The following GREM2 variants were observed in gnomAD, a reference collection of about 807,000 sequenced individuals.
The protein encoded by GREM2 is gremlin 2, DAN family BMP antagonist, also known as gremlin-2.
A neutral mutation model predicts 14.2 loss-of-function variants in GREM2; 11 were observed. That is an observed-to-expected ratio of 0.78 (90% CI 0.49 to 1.28). The LOEUF (loss-of-function observed/expected upper bound fraction) is 1.28. Among genes scored for constraint, GREM2 ranks in the 50% most tolerant of loss-of-function variants. GREM2 has a pLI of 0.00. For synonymous variants in GREM2, 98 were observed against 97.6 expected (o/e 1.00, Z -0.02); for missense variants, 210 against 218.5 (o/e 0.96, Z 0.24).
At chr1:240,544,307 C>T (rs551579551) in intron 1 of GREM2, among the ~76,000 whole-genome samples, 1 of 152,248 alleles carries the variant, frequency 6.6e-6, no homozygotes, top group East Asian at 1.9e-4. Flanking sequence ...GCCACCACGC[C>T]TGGCTAATTT....
intron 1 of GREM2, among the ~76,000 whole-genome samples, chr1:240,520,117 T>TAAAATA (rs1284549816): frequency 2.0e-5 from 3 of 151,966 alleles, no homozygotes; most frequent in African/African-American, 4.8e-5. Context: ...TAAAATAAAA[T>TAAAATA]AGTCATCAAA....
At chr1:240,548,109 A>T (rs1182763970) in intron 1 of GREM2, among the ~76,000 whole-genome samples, 14 of 40,982 alleles carry the variant, frequency 3.4e-4, no homozygotes, top group East Asian at 8.4e-4. Context: ...TAAAAATTTA[A>T]AAAAAAAAAA....
chr1:240,509,952 T>C (rs902362758), intron 1 of GREM2, among the ~76,000 whole-genome samples: 4 of 152,194 alleles, frequency 2.6e-5, no homozygotes, highest in African/African-American at 9.7e-5. Flanking sequence ...GGCTGTCATG[T>C]GGAAGCTACG....
chr1:240,522,548 C>T (rs76197883), intron 1 of GREM2, among the ~76,000 whole-genome samples: 463 of 152,238 alleles, frequency 3.0e-3, no homozygotes, highest in Non-Finnish European at 4.1e-3. Flanking sequence ...TAGAGAACGT[C>T]ATTGTTGTCA....
chr1:240,492,277 A>T lies in GREM2; in HGVS notation c.*692T>A. ...ATAGGGGGCGGGGACAGTGAGGAAG[A>T]AGAGGCGGTGGGGACTTGAGGATGG... On this transcript the variant is annotated 3_prime_UTR_variant, in exon 2 of 2. Transcript: ENST00000318160. The T allele has an allele frequency of 2.3e-6, 1 of 441,194 alleles. No individual in the cohort carries two copies. The highest frequency in any genetic ancestry group is 1.6e-5 in the South Asian group (1 of 62,834). 27.3% of individuals were successfully genotyped at this position (441,194 alleles called of 1,614,324 possible).
chr1:240,500,821 A>G (rs1374714544), intron 1 of GREM2, among the ~76,000 whole-genome samples: 1 of 152,068 alleles, frequency 6.6e-6, no homozygotes, highest in Non-Finnish European at 1.5e-5. Context: ...ACATTTTGGC[A>G]TGTGTTTATT....
chr1:240,604,981 T>C (rs2102873874), intron 1 of GREM2, among the ~76,000 whole-genome samples: 1 of 152,326 alleles, frequency 6.6e-6, no homozygotes, highest in South Asian at 2.1e-4. Context: ...TTAAAAGTGT[T>C]TTTACCTTTC....
intron 1 of GREM2, among the ~76,000 whole-genome samples, chr1:240,559,649 G>A (rs1679006408): frequency 6.6e-6 from 1 of 152,016 alleles, no homozygotes. Flanking sequence ...TGGCCAAAAA[G>A]TCTTTAAGTA....
chr1:240,602,442 T>C (rs1229137807), intron 1 of GREM2, among the ~76,000 whole-genome samples: 1 of 152,218 alleles, frequency 6.6e-6, no homozygotes, highest in African/African-American at 2.4e-5. Flanking sequence ...TATTCATTTA[T>C]TCACCAAACA....
At chr1:240,574,510 G>A (rs1679322208) in intron 1 of GREM2, among the ~76,000 whole-genome samples, 1 of 152,102 alleles carries the variant, frequency 6.6e-6, no homozygotes, top group Non-Finnish European at 1.5e-5. Context: ...GAAGGAGGAG[G>A]CCATTAATAA....
rs570235287 is a variant in GREM2, at chr1:240,490,893, C to T, written c.*2076G>A. The stretch of plus-strand genomic sequence containing the variant: ...TACAATCACGTAAATTTCCTTCCTT[C>T]ACAGCTTTTCTGCTGCATGTTCTGC... On this transcript the variant is annotated 3_prime_UTR_variant, in exon 2 of 2. Coordinates refer to ENST00000318160, the MANE Select transcript of GREM2 (RefSeq NM_022469.4). 3.0e-4 allele frequency: 46 copies of T among 152,436 alleles called. No individual in the cohort carries two copies. Among genetic ancestry groups the T allele is most frequent in the African/African-American group, 1.1e-3 (46 of 41,580 alleles). 9.4% of individuals were successfully genotyped at this position (152,436 alleles called of 1,614,324 possible). A position where few individuals can be genotyped will look rare whatever the true frequency, so the allele number is the denominator to read the frequency against.
rs1241530827 is a variant in GREM2 at position 240,543,906 on chromosome 1, ACTAAAGGGTGACC to A, written c.-1-50443_-1-50431del. Among the ~76,000 whole-genome samples the A allele has an allele frequency of 2.6e-5, 4 of 152,178 alleles. No homozygotes were observed. Among genetic ancestry groups the A allele is most frequent in the Admixed American group, 6.6e-5 (1 of 15,264 alleles). ...GTTTTTCAATGGGAACAAGCACAGA[ACTAAAGGGTGACC>A]CTCCATACCTGTGGGTTCCACATTC... On this transcript the variant is annotated intron_variant, in intron 1 of 1. Transcript: ENST00000318160. This position sits in a 1 kb window ranked among gnomAD's most constrained non-coding sequence, Gnocchi z 6.4.
At chr1:240,546,571 A>G (rs1678724821) in intron 1 of GREM2, among the ~76,000 whole-genome samples, 1 of 152,160 alleles carries the variant, frequency 6.6e-6, no homozygotes. Context: ...ATAACAAGCA[A>G]TCTATACGTA....
At chr1:240,547,391 T>C (rs1035048120) in intron 1 of GREM2, among the ~76,000 whole-genome samples, 2 of 150,674 alleles carry the variant, frequency 1.3e-5, no homozygotes, top group Non-Finnish European at 2.9e-5. Context: ...TCCCAGCTAC[T>C]CAAGAGGCTG....
intron 1 of GREM2, among the ~76,000 whole-genome samples, chr1:240,512,320 A>C (rs906730491): frequency 2.5e-4 from 38 of 152,226 alleles, no homozygotes; most frequent in Non-Finnish European, 2.1e-4. Flanking sequence ...CTCAGCTTCA[A>C]ATGGGACAAT....
At chr1:240,531,642 G>C (rs1678361825) in intron 1 of GREM2, 1 of 985,218 alleles carries the variant, frequency 1.0e-6, no homozygotes, top group African/African-American at 1.7e-5. Flanking sequence ...TACCTGCAAG[G>C]CGTCTGCCTG....
intron 1 of GREM2, among the ~76,000 whole-genome samples, chr1:240,575,529 A>T (rs10926302): frequency 0.22 from 21,326 of 97,384 alleles, 4,340 homozygotes; most frequent in African/African-American, 0.56. Flanking sequence ...TTTTAATTTT[A>T]TTTTTTTTTC....
At chr1:240,549,133 C>T (rs1024106216) in intron 1 of GREM2, among the ~76,000 whole-genome samples, 1 of 152,032 alleles carries the variant, frequency 6.6e-6, no homozygotes, top group Admixed American at 6.5e-5. Flanking sequence ...GTCGGGAGTT[C>T]AAAACCAGCC....
chr1:240,567,476 A>T (rs1027193750), intron 1 of GREM2, among the ~76,000 whole-genome samples: 8 of 152,178 alleles, frequency 5.3e-5, no homozygotes, highest in African/African-American at 1.9e-4. Flanking sequence ...GTAACAAAGA[A>T]AAAAGTGCAT....
Sources: allele counts gnomAD v4.1 joint callset (sites outside exome capture counted in the v4.1 genomes callset), GRCh38; gene constraint gnomAD v4.1.1; non-coding constraint Gnocchi (gnomAD v3.1); transcripts MANE v1.5; gene names NCBI Gene and HGNC (gene_info 2026-07-23, HGNC 2026-07-21).